Variants in CDH18 observed in about 807,000 individuals in gnomAD.
CDH18 encodes cadherin 18, also known as cadherin-18.
Under a neutral mutation model 67.9 loss-of-function variants are expected in CDH18, and 31 were observed. The ratio of observed to expected loss-of-function variants is 0.46; its 90% CI spans 0.34 to 0.62. CDH18 has a LOEUF of 0.62. Among genes scored for constraint, CDH18 ranks in the 20% least tolerant of loss-of-function variants. The pLI is 0.01. For synonymous variants in CDH18, 362 were observed against 347.2 expected (o/e 1.04, Z -0.48); for missense variants, 890 against 975.5 (o/e 0.91, Z 1.17).
At chr5:19,743,389 C>A (rs932703287) in intron 4 of CDH18, among the ~76,000 whole-genome samples, 1 of 151,916 alleles carries the variant, frequency 6.6e-6, no homozygotes, top group East Asian at 1.9e-4. Flanking sequence ...CTGACAAACT[C>A]TTTTTTTTAA....
chr5:20,387,010 C>T (rs190016040), intron 1 of CDH18, among the ~76,000 whole-genome samples: 2 of 152,010 alleles, frequency 1.3e-5, no homozygotes, highest in African/African-American at 2.4e-5. Context: ...TTGGTTTTGC[C>T]TTGAATCCTA....
chr5:19,783,506 T>C (rs992755989), intron 3 of CDH18, among the ~76,000 whole-genome samples: 2 of 152,152 alleles, frequency 1.3e-5, no homozygotes, highest in Admixed American at 1.3e-4. Flanking sequence ...CATCTCATAG[T>C]CACCTGAGCA....
intron 2 of CDH18, among the ~76,000 whole-genome samples, chr5:20,022,424 T>C (rs1006060732): frequency 1.3e-5 from 2 of 152,226 alleles, no homozygotes; most frequent in African/African-American, 2.4e-5. Context: ...CCATCTGCTC[T>C]TGAGAAGACC....
chr5:20,382,390 T>C (rs1361928761), intron 1 of CDH18, among the ~76,000 whole-genome samples: 1 of 152,140 alleles, frequency 6.6e-6, no homozygotes, highest in Non-Finnish European at 1.5e-5. Context: ...TGGAAGGCTT[T>C]TTGTTTTTTT....
intron 5 of CDH18, among the ~76,000 whole-genome samples, chr5:19,669,209 T>A (rs1758394235): frequency 6.8e-6 from 1 of 146,618 alleles, no homozygotes; most frequent in Admixed American, 6.9e-5. Context: ...TGATGTAATA[T>A]AATTATATAT....
intron 1 of CDH18, among the ~76,000 whole-genome samples, chr5:20,523,566 A>G (rs951919149): frequency 2.0e-5 from 3 of 152,104 alleles, no homozygotes; most frequent in Non-Finnish European, 4.4e-5. Flanking sequence ...TTTTAGATGG[A>G]GTCTCGCTTC....
At chr5:19,638,097 T>C (rs1753427274) in intron 5 of CDH18, among the ~76,000 whole-genome samples, 1 of 152,250 alleles carries the variant, frequency 6.6e-6, no homozygotes, top group South Asian at 2.1e-4. Context: ...AAAACCCAAA[T>C]ACCTTATATG....
chr5:19,851,751 A>G (rs1006437803), intron 2 of CDH18, among the ~76,000 whole-genome samples: 10 of 149,958 alleles, frequency 6.7e-5, no homozygotes, highest in Admixed American at 1.3e-4. Context: ...GTGTGTGTGT[A>G]TGTGTGTGTG....
At chr5:20,472,726 C>T (rs975658320) in intron 1 of CDH18, among the ~76,000 whole-genome samples, 2 of 152,118 alleles carry the variant, frequency 1.3e-5, no homozygotes, top group African/African-American at 4.8e-5. Flanking sequence ...AATGACGATG[C>T]CTGAGTTACT....
intron 1 of CDH18, among the ~76,000 whole-genome samples, chr5:20,281,422 A>G (rs914490771): frequency 2.0e-5 from 3 of 152,144 alleles, no homozygotes; most frequent in Admixed American, 6.6e-5. Flanking sequence ...AGCTTTCTAC[A>G]TATGGCTAGC....
chr5:20,506,474 T>C (rs1029709698), intron 1 of CDH18, among the ~76,000 whole-genome samples: 1 of 152,186 alleles, frequency 6.6e-6, no homozygotes, highest in South Asian at 2.1e-4. Flanking sequence ...AGCTGACAGA[T>C]AGCAAGGAGC....
chr5:20,416,735 T>G (rs1160129033), intron 1 of CDH18, among the ~76,000 whole-genome samples: 1 of 151,984 alleles, frequency 6.6e-6, no homozygotes, highest in Non-Finnish European at 1.5e-5. Flanking sequence ...AGACTAGTAA[T>G]GAAAAAGTCT....
chr5:19,579,128 ATACTT>A (rs1345387400), intron 7 of CDH18, among the ~76,000 whole-genome samples: 1 of 151,994 alleles, frequency 6.6e-6, no homozygotes. Flanking sequence ...ATATTTTAAA[ATACTT>A]TATCTATCAC....
intron 4 of CDH18, among the ~76,000 whole-genome samples, chr5:19,728,038 GAAAAA>G (rs1000828362): frequency 1.3e-5 from 2 of 151,426 alleles, no homozygotes; most frequent in Non-Finnish European, 3.0e-5. Flanking sequence ...TAGTAGAAAA[GAAAAA>G]AAATTATTAC....
At position 20,484,498 on chromosome 5, in the gene CDH18, A is replaced by C. The variant is rs532032198; in HGVS notation, c.-580+90964T>G. Among the ~76,000 whole-genome samples, 10 of 152,086 alleles carry C rather than the reference A, an allele frequency of 6.6e-5. No homozygotes were observed. The South Asian group carries it at 1.9e-3, about 28-fold the overall frequency. ...GCCCTCCCATGTTTATTGCAGCACT[A>C]TTCACCATAGCCAAGATTTGAAGGC... On this transcript the variant is annotated intron_variant, in intron 1 of 14. Coordinates refer to the CDH18 transcript ENST00000507958.
intron 3 of CDH18, among the ~76,000 whole-genome samples, chr5:19,783,242 A>C (rs997827382): frequency 2.0e-5 from 3 of 152,108 alleles, no homozygotes; most frequent in African/African-American, 7.2e-5. Flanking sequence ...TGAGATTGTG[A>C]TAGGCTTCTT....
At chr5:19,898,668 A>G (rs1190474140) in intron 2 of CDH18, among the ~76,000 whole-genome samples, 1 of 152,148 alleles carries the variant, frequency 6.6e-6, no homozygotes, top group Non-Finnish European at 1.5e-5. Flanking sequence ...AGAAATCATT[A>G]CTAAGTGAAA....
intron 9 of CDH18, among the ~76,000 whole-genome samples, chr5:19,522,032 T>G (rs977222915): frequency 2.0e-5 from 3 of 152,136 alleles, no homozygotes; most frequent in Non-Finnish European, 4.4e-5. Flanking sequence ...GAGTTGTTCT[T>G]GATAATTCTT....
At chr5:20,248,958 A>C (rs2388308) in intron 2 of CDH18, among the ~76,000 whole-genome samples, 45,430 of 152,074 alleles carry the variant, frequency 0.3, 7,454 homozygotes, top group Non-Finnish European at 0.37. Context: ...TACATATTGC[A>C]GTGTGAGGTT....
Sources: gnomAD v4.1 joint callset for allele counts (sites outside exome capture counted in the v4.1 genomes callset) on GRCh38, gnomAD v4.1.1 for gene constraint, MANE v1.5 for transcripts, NCBI Gene and HGNC (gene_info 2026-07-23, HGNC 2026-07-21) for gene names.